Variants in BLK observed in about 807,000 individuals in gnomAD.
BLK encodes BLK proto-oncogene, Src family tyrosine kinase.
BLK carries 64 observed loss-of-function variants against 61.8 expected under a neutral mutation model. That is an observed-to-expected ratio of 1.03 (90% CI 0.85 to 1.27). The LOEUF is 1.27. Among genes scored for constraint, BLK ranks in the 50% most tolerant of loss-of-function variants. The pLI is 0.00. For missense variants in BLK, 853 were observed against 660.5 expected (o/e 1.29, Z -3.19); for synonymous variants, 351 against 272.0 (o/e 1.29, Z -2.86).
intron 4 of BLK, among the ~76,000 whole-genome samples, chr8:11,548,717 A>G (rs1201834925): frequency 6.6e-6 from 1 of 152,070 alleles, no homozygotes; most frequent in Non-Finnish European, 1.5e-5. Flanking sequence ...TGTTTTTCTC[A>G]AGCCTGTCCC....
chr8:11,537,531 C>G (rs575972097), intron 1 of BLK, among the ~76,000 whole-genome samples: 52 of 152,226 alleles, frequency 3.4e-4, no homozygotes, highest in Non-Finnish European at 5.3e-4. Context: ...CTGAACTGTC[C>G]CCTCCAAGGG....
chr8:11,556,367 G>C, intron 8 of BLK: 1 of 464,602 alleles, frequency 2.2e-6, no homozygotes, highest in Non-Finnish European at 4.0e-6. Context: ...GGAGGGGTGG[G>C]GGAAGGACAC....
intron 4 of BLK, 105 bp downstream of exon 4, chr8:11,548,230 T>G: frequency 3.1e-6 from 3 of 968,154 alleles, no homozygotes; most frequent in Non-Finnish European, 4.9e-6. Flanking sequence ...GGAAGTCTTC[T>G]CCATCGCCCT....
Position 11,564,137 on chromosome 8 carries a change from C to T in BLK, c.*29C>T. The stretch of plus-strand genomic sequence containing the variant: ...GCCGCGCCCGCCTGCGCCCCGTGCC[C>T]ACCTCTGCGCGGACGACCCCGACTT... On this transcript the variant is annotated 3_prime_UTR_variant, in exon 13 of 13. Coordinates refer to ENST00000259089, the MANE Select transcript of BLK (RefSeq NM_001715.3). The T allele has an allele frequency of 1.3e-6, 2 of 1,537,882 alleles. No individual in the cohort carries two copies. The highest frequency in any genetic ancestry group is 1.2e-5 in the South Asian group (1 of 84,296).
At chr8:11,514,890 C>T (rs938559547) in intron 1 of BLK, among the ~76,000 whole-genome samples, 6 of 152,222 alleles carry the variant, frequency 3.9e-5, no homozygotes, top group Non-Finnish European at 5.9e-5. Flanking sequence ...ATCCAACCCA[C>T]CAGTCAGCAA....
intron 1 of BLK, among the ~76,000 whole-genome samples, chr8:11,534,788 T>C (rs1800043916): frequency 6.6e-6 from 1 of 152,202 alleles, no homozygotes; most frequent in Admixed American, 6.5e-5. Flanking sequence ...CCCAAGGCCC[T>C]TACACACCCA....
In BLK at chr8:11,548,090, G is replaced by C; in HGVS notation, c.234G>C (p.Gln78His). ...CCGCTATGAATGATCGGGACCTGCA[G>C]ATGCTGAAGGGGGAGAAGCTACAGG... The part of the protein sequence containing the change: ...DYTAMNDRDL[Q>H]MLKGEKLQVL... Residue 78 changes from glutamine to histidine, a missense_variant, in exon 4 of 13, where the codon CAG (glutamine) becomes CAC (histidine). Physicochemically the swap from Gln to His is conservative, Grantham distance 24. Coordinates refer to ENST00000259089, the MANE Select transcript of BLK (RefSeq NM_001715.3). 6.2e-7 allele frequency: 1 copy of C among 1,613,926 alleles called. No homozygotes were observed. The highest frequency in any genetic ancestry group is 8.5e-7 in the Non-Finnish European group (1 of 1,180,018).
chr8:11,563,879 C>G, intron 12 of BLK, 24 bp from the exon 13 acceptor site: 3 of 1,600,744 alleles, frequency 1.9e-6, no homozygotes, highest in Middle Eastern at 3.4e-4. Flanking sequence ...CCCTCACCCC[C>G]GCTTGCGGTC....
chr8:11,561,328 G>C lies in BLK; in HGVS notation c.1056G>C (p.Glu352Asp). 2 of 1,613,964 alleles carry C rather than the reference G, an allele frequency of 1.2e-6. No homozygotes were observed. The highest frequency in any genetic ancestry group is 1.7e-6 in the Non-Finnish European group (2 of 1,179,938). Residue 352 changes from glutamate (E) to aspartate (D), a missense_variant, in exon 11 of 13, where the codon GAG (glutamate) becomes GAC (aspartate). Coordinates refer to ENST00000259089, the MANE Select transcript of BLK (RefSeq NM_001715.3). ...AQIAEGMAYI[E>D]RMNSIHRDLR... ...TTGCTGAAGGGATGGCATACATTGA[G>C]CGCATGAATTCCATCCACCGCGACC...
chr8:11,519,515 A>G (rs1288844750), intron 1 of BLK, among the ~76,000 whole-genome samples: 1 of 152,236 alleles, frequency 6.6e-6, no homozygotes, highest in African/African-American at 2.4e-5. Flanking sequence ...AGCTTGAATG[A>G]CATTAAAAAG....
In BLK at chr8:11,554,731, T is replaced by G; in HGVS notation, c.473-12T>G. 6.2e-7 allele frequency: 1 copy of G among 1,612,912 alleles called. No homozygotes were observed. The highest frequency in any genetic ancestry group is 1.1e-5 in the South Asian group (1 of 91,080). On this transcript the variant is annotated splice_polypyrimidine_tract_variant and intron_variant, in intron 6 of 12. Transcript: ENST00000259089. ...GCCTTACTTCTCGTGTGTGTCTTCA[T>G]GAACCCTCCAGGTGCCTTCTCCCTG...
intron 6 of BLK, among the ~76,000 whole-genome samples, chr8:11,550,926 C>G (rs1190659312): frequency 6.6e-6 from 1 of 152,156 alleles, no homozygotes; most frequent in African/African-American, 2.4e-5. Context: ...TAATAATAAA[C>G]AAATCCCTGT....
At position 11,542,577 on chromosome 8, in the gene BLK, G is replaced by A. The variant is rs970631323; in HGVS notation, c.-1-647G>A. On this transcript the variant is annotated intron_variant, in intron 1 of 12. Coordinates refer to ENST00000259089, the MANE Select transcript of BLK (RefSeq NM_001715.3). The stretch of plus-strand genomic sequence containing the variant: ...TGGTGGTGTTGATGGTGTCAAAAGG[G>A]CCTGTCCCACATCTGCCATCCTAAA... Among the ~76,000 whole-genome samples the A allele has an allele frequency of 3.3e-5, 5 of 152,262 alleles. No individual in the cohort carries two copies. The East Asian group carries it at 9.6e-4, about 29-fold the overall frequency.
intron 1 of BLK, among the ~76,000 whole-genome samples, chr8:11,524,918 CAAA>C (rs34067077): frequency 7.8e-6 from 1 of 128,038 alleles, no homozygotes; most frequent in Non-Finnish European, 1.7e-5. Flanking sequence ...TGCTTTTTTA[CAAA>C]AAAAAAAAAA....
At chr8:11,533,321 G>A (rs966154162) in intron 1 of BLK, among the ~76,000 whole-genome samples, 17 of 152,056 alleles carry the variant, frequency 1.1e-4, no homozygotes, top group African/African-American at 4.1e-4. Context: ...ATGTTCTCCT[G>A]CACCCTCAAA....
intron 1 of BLK, among the ~76,000 whole-genome samples, chr8:11,536,276 CATTT>C (rs1464936538): frequency 6.6e-6 from 1 of 152,144 alleles, no homozygotes; most frequent in African/African-American, 2.4e-5. Context: ...AAGTTTCATT[CATTT>C]AGAGGAAATA....
chr8:11,540,833 G>A (rs1800342633), intron 1 of BLK, among the ~76,000 whole-genome samples: 1 of 141,284 alleles, frequency 7.1e-6, no homozygotes, highest in African/African-American at 2.7e-5. Context: ...TAACCCCACT[G>A]TTATGAAACC....
rs1356664026 is a variant in BLK at position 11,556,666 on chromosome 8, A to G, written c.781A>G (p.Lys261Glu). ...CACTCCCCCGGGCTCAGGTTACTAC[A>G]AAAACAACATGAAGGTGGCCATTAA... ...QFGEVWMGYY[K>E]NNMKVAIKTL... The change falls in exon 9 of 13, where the codon AAA (lysine) becomes GAA (glutamate). Residue 261 changes from lysine to glutamate, a missense_variant. Coordinates refer to ENST00000259089, the MANE Select transcript of BLK (RefSeq NM_001715.3). The G allele has an allele frequency of 1.2e-6, 2 of 1,613,998 alleles. No individual in the cohort carries two copies. Among genetic ancestry groups the G allele is most frequent in the East Asian group, 4.5e-5 (2 of 44,876 alleles).
At chr8:11,525,470 C>T (rs986243530) in intron 1 of BLK, among the ~76,000 whole-genome samples, 8 of 86,058 alleles carry the variant, frequency 9.3e-5, no homozygotes, top group Non-Finnish European at 1.1e-4. Context: ...TTATATCATA[C>T]AAAACATTCT....
Sources: gnomAD v4.1 joint callset for allele counts (sites outside exome capture counted in the v4.1 genomes callset) on GRCh38, gnomAD v4.1.1 for gene constraint, MANE v1.5 for transcripts, NCBI Gene and HGNC (gene_info 2026-07-23, HGNC 2026-07-21) for gene names.